The following SMARCA2 variants were observed in gnomAD, a reference collection of about 807,000 sequenced individuals.
SMARCA2 encodes SWI/SNF-related matrix-associated actin-dependent regulator of chromatin subfamily A member 2.
SMARCA2 carries 61 observed loss-of-function variants against 199.8 expected under a neutral mutation model. That is an observed-to-expected ratio of 0.31 (90% CI 0.25 to 0.38). The LOEUF (loss-of-function observed/expected upper bound fraction) is 0.38, where lower values mean the gene tolerates loss of function less well. SMARCA2 is among the 10% of genes least tolerant of loss of function. The probability of loss-of-function intolerance (pLI) is 1.00; values close to 1 mark genes in which losing one functional copy is unlikely to be tolerated. For missense variants in SMARCA2, 1,344 were observed against 2,012.2 expected (o/e 0.67, Z 6.35); for synonymous variants, 935 against 732.0 (o/e 1.28, Z -4.48).
chr9:2,148,067 G>T (rs1401852000), intron 27 of SMARCA2, among the ~76,000 whole-genome samples: 1 of 151,606 alleles, frequency 6.6e-6, no homozygotes, highest in Admixed American at 6.6e-5. Flanking sequence ...TAACAGTCTA[G>T]CCCTCACCAA....
chr9:2,064,272 T>A (rs1251956632), intron 9 of SMARCA2, among the ~76,000 whole-genome samples: 2 of 152,198 alleles, frequency 1.3e-5, no homozygotes, highest in African/African-American at 4.8e-5. Context: ...TATACTAATT[T>A]GCTATTATTC....
chr9:2,052,469 C>T (rs1048027735), intron 5 of SMARCA2, among the ~76,000 whole-genome samples: 22 of 152,296 alleles, frequency 1.4e-4, no homozygotes, highest in Non-Finnish European at 2.6e-4. Flanking sequence ...GAGCGAGACT[C>T]CATCTCAAAC....
chr9:2,163,473 C>G (rs1239253162), intron 28 of SMARCA2, among the ~76,000 whole-genome samples: 1 of 152,186 alleles, frequency 6.6e-6, no homozygotes, highest in Non-Finnish European at 1.5e-5. Context: ...GAATCAGTAA[C>G]TCTTACGTTT....
At chr9:2,178,424 A>T (rs190614176) in intron 29 of SMARCA2, among the ~76,000 whole-genome samples, 1 of 152,302 alleles carries the variant, frequency 6.6e-6, no homozygotes, top group East Asian at 1.9e-4. Context: ...TCCAAGTAGC[A>T]ATTTATATTT....
At chr9:2,163,665 G>T (rs555038050) in intron 28 of SMARCA2, among the ~76,000 whole-genome samples, 1 of 152,154 alleles carries the variant, frequency 6.6e-6, no homozygotes, top group Admixed American at 6.5e-5. Context: ...AGAGTGTAAC[G>T]TCTGTTTCTC....
rs983819738 is a variant in SMARCA2, at chr9:2,170,663, T to C, written c.4253+191T>C. 1.3e-5 allele frequency among the ~76,000 whole-genome samples: 2 copies of C among 152,232 alleles called. No individual in the cohort carries two copies. Among genetic ancestry groups the C allele is most frequent in the African/African-American group, 4.8e-5 (2 of 41,448 alleles). On this transcript the variant is annotated intron_variant, in intron 29 of 33. Coordinates refer to ENST00000349721, the MANE Select transcript of SMARCA2 (RefSeq NM_003070.5). The surrounding 1 kb of genome is among the most constrained non-coding windows in gnomAD (Gnocchi z 4.7). The stretch of plus-strand genomic sequence containing the variant: ...TCATGGCTTCTGAAGTTGTTGGTGC[T>C]GTATTTTAATCTGGCTGTGCCAATT...
intron 30 of SMARCA2, 44 bp from the exon 31 acceptor site, chr9:2,182,097 C>A (rs1586806613): frequency 8.1e-7 from 1 of 1,228,478 alleles, no homozygotes; most frequent in South Asian, 1.2e-5. Context: ...GCTGAATTTT[C>A]CTCTCCCTCT....
At position 2,104,495 on chromosome 9, in the gene SMARCA2, T is replaced by C. The variant is rs1822667242; in HGVS notation, c.3292+326T>C. Among the ~76,000 whole-genome samples, 2 of 152,336 alleles carry C rather than the reference T, an allele frequency of 1.3e-5. No homozygotes were observed. The highest frequency in any genetic ancestry group is 2.9e-5 in the Non-Finnish European group (2 of 68,026). ...AATTGTTACCTATGTGCCAAAGATA[T>C]AGAATACATTGACACACCTTTAACT... On this transcript the variant is annotated intron_variant, in intron 23 of 33. Coordinates refer to ENST00000349721, the MANE Select transcript of SMARCA2 (RefSeq NM_003070.5). The surrounding 1 kb of genome is among the most constrained non-coding windows in gnomAD (Gnocchi z 4.0).
rs1826353013 is a variant in SMARCA2, at chr9:2,173,241, A to G, written c.4253+2769A>G. ...GTAGTTACCTGGCCCTGCATACACCATCACAGGACAGCTGAACTCTCTACT... is the reference window on the plus strand; with the variant it reads ...GTAGTTACCTGGCCCTGCATACACCGTCACAGGACAGCTGAACTCTCTACT... On this transcript the variant is annotated intron_variant, in intron 29 of 33. Coordinates refer to ENST00000349721, the MANE Select transcript of SMARCA2 (RefSeq NM_003070.5). 2.0e-5 allele frequency among the ~76,000 whole-genome samples: 3 copies of G among 152,210 alleles called. No individual in the cohort carries two copies. In the South Asian group the frequency reaches 6.2e-4, roughly 32 times the overall value.
intron 28 of SMARCA2, among the ~76,000 whole-genome samples, chr9:2,163,265 C>A (rs563682633): frequency 6.6e-6 from 1 of 152,264 alleles, no homozygotes; most frequent in South Asian, 2.1e-4. Context: ...AGATTTTGTG[C>A]TGTTTTCCTT....
chr9:2,122,025 T>C (rs1397272551), intron 26 of SMARCA2, among the ~76,000 whole-genome samples: 2 of 152,244 alleles, frequency 1.3e-5, no homozygotes, highest in East Asian at 1.9e-4. Flanking sequence ...ATTAATTATA[T>C]TGGTATTTTG....
intron 4 of SMARCA2, chr9:2,041,680 G>A (rs1244293199): frequency 3.1e-6 from 1 of 327,306 alleles, no homozygotes; most frequent in Non-Finnish European, 5.5e-6. Flanking sequence ...TGGCTACCAT[G>A]GAGGCATTTG....
chr9:2,168,926 A>T (rs1449959342), intron 28 of SMARCA2, among the ~76,000 whole-genome samples: 1 of 152,104 alleles, frequency 6.6e-6, no homozygotes, highest in African/African-American at 2.4e-5. Flanking sequence ...AGTTAGTTAC[A>T]ATCTACTCTG....
At position 2,062,978 on chromosome 9, in the gene SMARCA2, G is replaced by T. The variant is rs529128340; in HGVS notation, c.1692+1992G>T. Among the ~76,000 whole-genome samples, 10 of 152,282 alleles carry T rather than the reference G, an allele frequency of 6.6e-5. No homozygotes were observed. The South Asian group carries it at 1.7e-3, about 25-fold the overall frequency. On this transcript the variant is annotated intron_variant, in intron 9 of 33. Coordinates refer to ENST00000349721, the MANE Select transcript of SMARCA2 (RefSeq NM_003070.5). The stretch of plus-strand genomic sequence containing the variant: ...TGGCAAACGCGTAATAGTTGTCAAA[G>T]CAGCTACTGTCTACCTTACAGATAT...
Position 2,101,036 on chromosome 9 carries a change from C to T in SMARCA2, c.3079-534C>T, listed in dbSNP as rs148736746. ...TGAGACTTATTCACAACCATGAGAA[C>T]GGCATGAGGGAAACCTTCCTCATGA... On this transcript the variant is annotated intron_variant, in intron 21 of 33. Transcript: ENST00000349721. 8.7e-3 allele frequency among the ~76,000 whole-genome samples: 1,324 copies of T among 152,148 alleles called. 6 individuals carry two copies. Among genetic ancestry groups the T allele is most frequent in the Non-Finnish European group, 0.013 (852 of 68,002 alleles).
At chr9:2,159,895 G>A (rs1586770045) in intron 27 of SMARCA2, 1 of 1,611,546 alleles carries the variant, frequency 6.2e-7, no homozygotes, top group Non-Finnish European at 8.5e-7. Flanking sequence ...TAGCCGGCCT[G>A]CTGATAGTGG....
At chr9:2,177,079 C>G (rs948687639) in intron 29 of SMARCA2, among the ~76,000 whole-genome samples, 2 of 152,166 alleles carry the variant, frequency 1.3e-5, no homozygotes, top group African/African-American at 4.8e-5. Context: ...CAGGTTTCTG[C>G]AGGCTCTCTT....
intron 3 of SMARCA2, among the ~76,000 whole-genome samples, chr9:2,034,859 A>G (rs1243483836): frequency 6.6e-6 from 1 of 152,182 alleles, no homozygotes; most frequent in Non-Finnish European, 1.5e-5. Flanking sequence ...TGACCATGTC[A>G]GAAGAGCAGC....
intron 29 of SMARCA2, among the ~76,000 whole-genome samples, chr9:2,176,474 C>T (rs779891872): frequency 6.6e-6 from 1 of 152,118 alleles, no homozygotes; most frequent in Non-Finnish European, 1.5e-5. Flanking sequence ...CCTTTTCAGT[C>T]TCCTAACAGG....
Sources: gnomAD v4.1 joint callset for allele counts (sites outside exome capture counted in the v4.1 genomes callset) on GRCh38, gnomAD v4.1.1 for gene constraint, Gnocchi (gnomAD v3.1) non-coding constraint, MANE v1.5 for transcripts, NCBI Gene and HGNC (gene_info 2026-07-23, HGNC 2026-07-21) for gene names.